TNFRSF8: variants seen among roughly 807,000 people sequenced by gnomAD.
TNFRSF8 encodes the protein tumor necrosis factor receptor superfamily member 8.
In TNFRSF8, 26 loss-of-function variants were observed where a neutral mutation model predicts 70.8. That is an observed-to-expected ratio of 0.37 (90% CI 0.27 to 0.51). The LOEUF (loss-of-function observed/expected upper bound fraction) is 0.51, where lower values mean the gene tolerates loss of function less well. Among genes scored for constraint, TNFRSF8 ranks in the 20% least tolerant of loss-of-function variants. TNFRSF8 has a pLI of 0.94. For synonymous variants in TNFRSF8, 356 were observed against 339.2 expected, an observed-to-expected ratio of 1.05 and a Z score of -0.54; for missense variants, 720 against 807.9, an observed-to-expected ratio of 0.89 and a Z score of 1.32.
In TNFRSF8 at chr1:12,115,744, C is replaced by T. The variant is rs760164725; in HGVS notation, c.946+15C>T. On this transcript the variant is annotated intron_variant, in intron 8 of 14. Coordinates refer to ENST00000263932, the MANE Select transcript of TNFRSF8 (RefSeq NM_001243.5). ...CAAGCCCCAGGGTAAGCAGTTCCCACCCCAGGCCTCGACCACAGGGTGGAG... is the reference window on the plus strand; with the variant it reads ...CAAGCCCCAGGGTAAGCAGTTCCCATCCCAGGCCTCGACCACAGGGTGGAG... 5 of 1,612,056 alleles carry T rather than the reference C, an allele frequency of 3.1e-6. No individual in the cohort carries two copies. The highest frequency in any genetic ancestry group is 1.1e-5 in the South Asian group (1 of 91,042).
chr1:12,080,732 G>T (rs989800569), intron 1 of TNFRSF8, among the ~76,000 whole-genome samples: 1 of 151,888 alleles, frequency 6.6e-6, no homozygotes, highest in Non-Finnish European at 1.5e-5. Flanking sequence ...TAATTTTTTC[G>T]TATTTTTAGT....
chr1:12,064,284 G>A (rs1640700244), intron 1 of TNFRSF8, among the ~76,000 whole-genome samples: 1 of 152,230 alleles, frequency 6.6e-6, no homozygotes, highest in South Asian at 2.1e-4. Context: ...AAGGTCAGTG[G>A]TGGGGCTGAA....
rs1242898121 is a variant in TNFRSF8, at chr1:12,142,492, G to A, written c.1749G>A (p.Gly583=). Residue 583 remains glycine, a synonymous_variant, in exon 15 of 15, where the codon GGG becomes GGA. Transcript: ENST00000263932. The surrounding 1 kb of genome is among the most constrained non-coding windows in gnomAD (Gnocchi z 5.0). ...SDVMLSVEEE[G]KEDPLPTAAS... ...TCATGCTCTCAGTGGAAGAGGAAGG[G>A]AAAGAAGACCCCTTGCCCACAGCTG... is the stretch of plus-strand genomic sequence containing the variant. The A allele has an allele frequency of 6.3e-7, 1 of 1,594,772 alleles. No homozygotes were observed. Among genetic ancestry groups the A allele is most frequent in the South Asian group, 1.1e-5 (1 of 88,048 alleles).
rs149605487 is a variant in TNFRSF8, at chr1:12,102,610, C to T, written c.269-1769C>T. ...GGGCCATCTCAACTCACTGCAACCT[C>T]CACTTCTCGGGTTCAAGTGATTTTC... On this transcript the variant is annotated intron_variant, in intron 3 of 14. Transcript: ENST00000263932. Among the ~76,000 whole-genome samples, 371 of 152,320 alleles carry T rather than the reference C, an allele frequency of 2.4e-3. 4 individuals are homozygous for T. Among genetic ancestry groups the T allele is most frequent in the African/African-American group, 8.5e-3 (355 of 41,570 alleles).
At chr1:12,089,069 C>T (rs1641202235) in intron 2 of TNFRSF8, among the ~76,000 whole-genome samples, 3 of 151,970 alleles carry the variant, frequency 2.0e-5, no homozygotes, top group African/African-American at 7.3e-5. Flanking sequence ...CTGACCCCAG[C>T]CTGGGCCACA....
intron 12 of TNFRSF8, among the ~76,000 whole-genome samples, chr1:12,133,948 G>T (rs926377762): frequency 6.6e-6 from 1 of 152,124 alleles, no homozygotes; most frequent in Non-Finnish European, 1.5e-5. Flanking sequence ...AGCTACTTGT[G>T]AGAATTGCTT....
At position 12,088,943 on chromosome 1, in the gene TNFRSF8, C is replaced by T. The variant is rs1641200220; in HGVS notation, c.151+4392C>T. ...GCTGAGTGTGCTGGGCTCCCCTGTGCCCTCTGACACTGTCCCAGCAGAGCC... is the reference window on the plus strand; with the variant it reads ...GCTGAGTGTGCTGGGCTCCCCTGTGTCCTCTGACACTGTCCCAGCAGAGCC... On this transcript the variant is annotated intron_variant, in intron 2 of 14. Transcript: ENST00000263932. The surrounding 1 kb of genome is among the most constrained non-coding windows in gnomAD (Gnocchi z 4.0). Among the ~76,000 whole-genome samples the T allele has an allele frequency of 6.6e-6, 1 of 152,178 alleles. No individual in the cohort carries two copies. The highest frequency in any genetic ancestry group is 2.4e-5 in the African/African-American group (1 of 41,528).
chr1:12,077,205 C>T (rs569389403), intron 1 of TNFRSF8, among the ~76,000 whole-genome samples: 5 of 152,288 alleles, frequency 3.3e-5, no homozygotes, highest in African/African-American at 4.8e-5. Flanking sequence ...ATTATAAGTG[C>T]GAGCCACTTC....
At chr1:12,128,243 A>G (rs1641978021) in intron 12 of TNFRSF8, among the ~76,000 whole-genome samples, 1 of 152,184 alleles carries the variant, frequency 6.6e-6, no homozygotes, top group Non-Finnish European at 1.5e-5. Context: ...AAGCTTTTAG[A>G]CTAATTCCGA....
chr1:12,069,197 T>TA (rs1640795557), intron 1 of TNFRSF8, among the ~76,000 whole-genome samples: 3 of 89,094 alleles, frequency 3.4e-5, no homozygotes, highest in Admixed American at 1.4e-4. Context: ...TTTTTTTTTT[T>TA]GATGGAGTTT....
intron 1 of TNFRSF8, among the ~76,000 whole-genome samples, chr1:12,071,322 C>T (rs1328592150): frequency 2.0e-5 from 3 of 152,066 alleles, no homozygotes; most frequent in Non-Finnish European, 4.4e-5. Flanking sequence ...GCCTGTAGTC[C>T]CAGCTACTCG....
At position 12,138,463 on chromosome 1, in the gene TNFRSF8, C is replaced by T. The variant is rs1372059948; in HGVS notation, c.1543+27C>T. ...TGAGTCAGCCTGTTTTGGGAGGTCCCCTGCAGCCCAGGGGCAGATGGGAGA... is the reference window on the plus strand; with the variant it reads ...TGAGTCAGCCTGTTTTGGGAGGTCCTCTGCAGCCCAGGGGCAGATGGGAGA... On this transcript the variant is annotated intron_variant, in intron 14 of 14. Transcript: ENST00000263932. This position sits in a 1 kb window ranked among gnomAD's most constrained non-coding sequence, Gnocchi z 5.7. 1.9e-6 allele frequency: 3 copies of T among 1,593,764 alleles called. No homozygotes were observed. Among genetic ancestry groups the T allele is most frequent in the South Asian group, 1.1e-5 (1 of 89,094 alleles).
intron 2 of TNFRSF8, among the ~76,000 whole-genome samples, chr1:12,086,876 A>T (rs1446647755): frequency 6.6e-6 from 1 of 151,702 alleles, no homozygotes; most frequent in Non-Finnish European, 1.5e-5. Flanking sequence ...TTTAACCTTA[A>T]TTATCTCCTA....
intron 2 of TNFRSF8, among the ~76,000 whole-genome samples, chr1:12,095,802 T>C (rs1037666205): frequency 6.6e-6 from 1 of 152,184 alleles, no homozygotes; most frequent in African/African-American, 2.4e-5. Context: ...AAAAGAGAAA[T>C]AATTGGCTCC....
chr1:12,138,121 G>T lies in TNFRSF8; in HGVS notation c.1336-108G>T. On this transcript the variant is annotated intron_variant, in intron 13 of 14. Coordinates refer to ENST00000263932, the MANE Select transcript of TNFRSF8 (RefSeq NM_001243.5). This position sits in a 1 kb window ranked among gnomAD's most constrained non-coding sequence, Gnocchi z 5.7. Reference sequence around the variant, plus strand: ...CATGGCAGCTTTTAAAGCAGAAAGGGGGACTCACTGGGGTCTGTAGAGATG... The same window carrying T: ...CATGGCAGCTTTTAAAGCAGAAAGGTGGACTCACTGGGGTCTGTAGAGATG... 8.8e-7 allele frequency: 1 copy of T among 1,137,720 alleles called. No homozygotes were observed. The highest frequency in any genetic ancestry group is 1.2e-6 in the Non-Finnish European group (1 of 810,504). 70.5% of individuals were successfully genotyped at this position (1,137,720 alleles called of 1,614,324 possible).
At chr1:12,064,254 T>C (rs1640699256) in intron 1 of TNFRSF8, among the ~76,000 whole-genome samples, 1 of 152,132 alleles carries the variant, frequency 6.6e-6, no homozygotes. Flanking sequence ...GAGCACGTGG[T>C]GGGCATTTGC....
intron 12 of TNFRSF8, among the ~76,000 whole-genome samples, chr1:12,134,003 G>A (rs535100297): frequency 6.6e-6 from 1 of 152,304 alleles, no homozygotes; most frequent in Admixed American, 6.5e-5. Flanking sequence ...TCGTGCCACT[G>A]CACTCCAGCC....
rs532953621 is a variant in TNFRSF8 at position 12,088,774 on chromosome 1, AG to A, written c.151+4225del. On this transcript the variant is annotated intron_variant, in intron 2 of 14. Coordinates refer to ENST00000263932, the MANE Select transcript of TNFRSF8 (RefSeq NM_001243.5). The surrounding 1 kb of genome is among the most constrained non-coding windows in gnomAD (Gnocchi z 4.0). ...AAGGCTGTGAACAGGAAGGAGGAGGAGGAGGGGGTTTGTGGGTTCCCCCAGC... is the reference window on the plus strand; with the variant it reads ...AAGGCTGTGAACAGGAAGGAGGAGGAGAGGGGGTTTGTGGGTTCCCCCAGC... 3.0e-4 allele frequency among the ~76,000 whole-genome samples: 45 copies of A among 152,356 alleles called. No individual in the cohort carries two copies. In the South Asian group the frequency reaches 9.1e-3, roughly 31 times the overall value.
rs1570036345 is a variant in TNFRSF8 at position 12,106,636 on chromosome 1, C to T, written c.421+2105C>T. Among the ~76,000 whole-genome samples, 3 of 152,170 alleles carry T rather than the reference C, an allele frequency of 2.0e-5. No individual in the cohort carries two copies. In the Middle Eastern group the frequency reaches 0.01, roughly 518 times the overall value. ...GGGACACCTGACAGGGAGCTCCGAG[C>T]TGGTGGGGGGGTGGAGTTCAAATCT... On this transcript the variant is annotated intron_variant, in intron 4 of 14. Coordinates refer to ENST00000263932, the MANE Select transcript of TNFRSF8 (RefSeq NM_001243.5).
Sources: gnomAD v4.1 joint callset for allele counts (sites outside exome capture counted in the v4.1 genomes callset) on GRCh38, gnomAD v4.1.1 for gene constraint, Gnocchi (gnomAD v3.1) non-coding constraint, MANE v1.5 for transcripts, NCBI Gene and HGNC (gene_info 2026-07-23, HGNC 2026-07-21) for gene names.